Variants in TMEM272 observed in about 807,000 individuals in gnomAD.
The protein encoded by TMEM272 is transmembrane protein 272, also known as long intergenic non-protein coding RNA 282.
In TMEM272, 8 loss-of-function variants were observed where a neutral mutation model predicts 3.7. That is an observed-to-expected ratio of 2.17 (90% confidence interval 1.27 to 3.91). The LOEUF is 3.91. TMEM272 is among the 30% of genes most tolerant of loss of function. The pLI, the probability that TMEM272 is intolerant of heterozygous loss-of-function variation, is 0.00. For synonymous variants in TMEM272, 63 were observed against 39.8 expected (o/e 1.58, Z -2.20); for missense variants, 166 against 91.5 (o/e 1.81, Z -3.32).
chr13:51,878,540 TC>T, the TMEM272 span, among the ~76,000 whole-genome samples: 2 of 152,076 alleles, frequency 1.3e-5, no homozygotes, highest in South Asian at 4.2e-4. Flanking sequence ...TCCCATGAGG[TC>T]CCTCCCCCAG....
chr13:51,886,198 G>A, the TMEM272 span, among the ~76,000 whole-genome samples: 1 of 152,198 alleles, frequency 6.6e-6, no homozygotes. Flanking sequence ...CAGATGACAA[G>A]CATCCAAATG....
the TMEM272 span, among the ~76,000 whole-genome samples, chr13:51,923,716 GGGA>G: frequency 6.6e-6 from 1 of 150,600 alleles, no homozygotes; most frequent in African/African-American, 2.5e-5. Flanking sequence ...AAGAGGGGAG[GGGA>G]GGAGAGGAGA....
At chr13:51,887,376 C>T in the TMEM272 span, among the ~76,000 whole-genome samples, 1 of 152,056 alleles carries the variant, frequency 6.6e-6, no homozygotes, top group South Asian at 2.1e-4. Context: ...AATGGGGCCC[C>T]AAGATGGCAA....
At chr13:51,910,930 C>G in the TMEM272 span, among the ~76,000 whole-genome samples, 1 of 152,234 alleles carries the variant, frequency 6.6e-6, no homozygotes, top group Non-Finnish European at 1.5e-5. Context: ...TATGCCCATC[C>G]CCAAGCTGAC....
the TMEM272 span, among the ~76,000 whole-genome samples, chr13:51,907,466 C>T: frequency 6.6e-6 from 1 of 152,184 alleles, no homozygotes; most frequent in Non-Finnish European, 1.5e-5. Context: ...CTCACACACT[C>T]TAGGCCACTA....
the TMEM272 span, among the ~76,000 whole-genome samples, chr13:51,868,621 C>T: frequency 6.6e-6 from 1 of 152,204 alleles, no homozygotes; most frequent in African/African-American, 2.4e-5. Context: ...TTCCCTTAGC[C>T]AGCACCTGTG....
the TMEM272 span, among the ~76,000 whole-genome samples, chr13:51,896,595 G>T: frequency 6.6e-6 from 1 of 152,140 alleles, no homozygotes; most frequent in African/African-American, 2.4e-5. Context: ...CTGAGAGGGG[G>T]ATGCTGTGAT....
chr13:51,926,626 C>A, the TMEM272 span, among the ~76,000 whole-genome samples: 2 of 6,866 alleles, frequency 2.9e-4, no homozygotes, highest in Middle Eastern at 0.14. Flanking sequence ...GGGGGTGGGG[C>A]GGGTTTGTGG....
At chr13:51,892,475 TGTTG>T in the TMEM272 span, among the ~76,000 whole-genome samples, 19 of 152,270 alleles carry the variant, frequency 1.2e-4, no homozygotes, top group African/African-American at 4.6e-4. Flanking sequence ...TGCTTGGTAT[TGTTG>T]GGGGATGGCT....
At chr13:51,881,586 T>C in the TMEM272 span, among the ~76,000 whole-genome samples, 3 of 152,084 alleles carry the variant, frequency 2.0e-5, no homozygotes, top group African/African-American at 7.2e-5. Context: ...AACTCATAGG[T>C]TGAAATCCTA....
chr13:51,895,336 T>A, the TMEM272 span, among the ~76,000 whole-genome samples: 1 of 152,116 alleles, frequency 6.6e-6, no homozygotes, highest in East Asian at 1.9e-4. Context: ...CAGCTGCCAT[T>A]GTGGGGTGGG....
chr13:51,826,055 T>C (rs1956122164), intron 3 of TMEM272, among the ~76,000 whole-genome samples: 1 of 151,024 alleles, frequency 6.6e-6, no homozygotes, highest in East Asian at 2.0e-4. Context: ...GCCCCTCCCC[T>C]GACCTTCGCT....
the TMEM272 span, among the ~76,000 whole-genome samples, chr13:51,858,852 G>A: frequency 6.6e-6 from 1 of 152,134 alleles, no homozygotes; most frequent in Non-Finnish European, 1.5e-5. Flanking sequence ...CTTCCCCCCT[G>A]CAAACAGTGA....
At chr13:51,917,726 C>T in the TMEM272 span, among the ~76,000 whole-genome samples, 1 of 152,196 alleles carries the variant, frequency 6.6e-6, no homozygotes, top group East Asian at 1.9e-4. Flanking sequence ...CGTTTCTGAG[C>T]TGCAAAATGC....
At chr13:51,933,447 G>T in the TMEM272 span, 1 of 152,228 alleles carries the variant, frequency 6.6e-6, no homozygotes, top group South Asian at 2.1e-4. Flanking sequence ...AAACTATTTT[G>T]TGTGGGAGAA....
chr13:51,842,811 T>G (rs1010905914), intron 1 of TMEM272, among the ~76,000 whole-genome samples: 2 of 152,234 alleles, frequency 1.3e-5, no homozygotes, highest in Non-Finnish European at 2.9e-5. Context: ...GTACGCTATA[T>G]CAAACTATAT....
At chr13:51,901,458 C>T in the TMEM272 span, among the ~76,000 whole-genome samples, 1 of 151,106 alleles carries the variant, frequency 6.6e-6, no homozygotes, top group Admixed American at 6.6e-5. Context: ...TCACACCCCT[C>T]TCAGTTGTCA....
chr13:51,837,163 C>G (rs1168922935), intron 2 of TMEM272, among the ~76,000 whole-genome samples: 1 of 152,216 alleles, frequency 6.6e-6, no homozygotes, highest in Non-Finnish European at 1.5e-5. Flanking sequence ...CCTTGACCTG[C>G]AGATTTACAG....
chr13:51,885,098 A>T, the TMEM272 span, among the ~76,000 whole-genome samples: 2 of 152,072 alleles, frequency 1.3e-5, no homozygotes, highest in African/African-American at 2.4e-5. Flanking sequence ...TGAGCACCTG[A>T]CCCATTTCTG....
Sources: gnomAD v4.1 joint callset for allele counts (sites outside exome capture counted in the v4.1 genomes callset) on GRCh38, gnomAD v4.1.1 for gene constraint, MANE v1.5 for transcripts, NCBI Gene and HGNC (gene_info 2026-07-23, HGNC 2026-07-21) for gene names.